The following EPG5 variants were observed in gnomAD, a reference collection of about 807,000 sequenced individuals.
EPG5 encodes the protein ectopic P granules protein 5 homolog.
A neutral mutation model predicts 302.7 loss-of-function variants in EPG5; 159 were observed. The ratio of observed to expected loss-of-function variants is 0.53; its 90% CI spans 0.46 to 0.60. The LOEUF is 0.60. EPG5 is among the 20% of genes least tolerant of loss of function. The pLI, the probability that EPG5 is intolerant of heterozygous loss-of-function variation, is 0.00. For missense variants in EPG5, 2,896 were observed against 3,092.4 expected (o/e 0.94, Z 1.51); for synonymous variants, 1,158 against 1,136.8 (o/e 1.02, Z -0.37).
chr18:45,900,897 GTAA>G, intron 26 of EPG5, 96 bp downstream of exon 26: 1 of 1,360,564 alleles, frequency 7.3e-7, no homozygotes, highest in Non-Finnish European at 1.0e-6. Context: ...TATCCTCATT[GTAA>G]AAATGCTGAC....
intron 16 of EPG5, among the ~76,000 whole-genome samples, chr18:45,918,892 T>G (rs2145731891): frequency 6.6e-6 from 1 of 152,332 alleles, no homozygotes; most frequent in East Asian, 1.9e-4. Context: ...GAGTGGCTTT[T>G]TCTCCACTTT....
intron 27 of EPG5, among the ~76,000 whole-genome samples, chr18:45,897,905 G>A (rs2049516129): frequency 6.6e-6 from 1 of 152,100 alleles, no homozygotes; most frequent in African/African-American, 2.4e-5. Flanking sequence ...ACAAACAAGA[G>A]GGAGTAAAAT....
rs770129197 is a variant in EPG5, at chr18:45,915,566, A to G, written c.3638T>C (p.Ile1213Thr). Residue 1213 changes from isoleucine (I) to threonine (T), a missense_variant, in exon 20 of 44, where the codon ATT becomes ACT. Ile to Thr is a moderately conservative substitution (Grantham distance 89). Around this residue, in one of 5 missense-constraint regions of EPG5, gnomAD observed 1,390 missense variants for 1,430.0 expected, o/e 0.97. Transcript: ENST00000282041. ...RSLLSSLVSW[I>T]VAGNITPSFV... ...GGAAGGAGTGATGTTGCCTGCCACA[A>G]TCCAGCTTACCAAAGATGAGAGCAG... The G allele has an allele frequency of 1.9e-6, 3 of 1,614,188 alleles. No homozygotes were observed. The highest frequency in any genetic ancestry group is 2.5e-6 in the Non-Finnish European group (3 of 1,180,024).
rs777422785 is a variant in EPG5, at chr18:45,903,983, A to G, written c.4464T>C (p.Asp1488=). ...CSLSVQLDFT[D]PLLAKERVLS... ...GCTCCCAGGACCCACCCAGCAAAGG[A>G]TCAGTGAAGTCCAGCTGCACGGACA... Residue 1488 remains aspartate (D), a synonymous_variant, in exon 25 of 44, where the codon GAT becomes GAC. Coordinates refer to ENST00000282041, the MANE Select transcript of EPG5 (RefSeq NM_020964.3). 1 of 1,608,822 alleles carries G rather than the reference A, an allele frequency of 6.2e-7. No homozygotes were observed. The highest frequency in any genetic ancestry group is 8.5e-7 in the Non-Finnish European group (1 of 1,179,026).
chr18:45,858,252 C>T (rs897691016), intron 41 of EPG5, among the ~76,000 whole-genome samples, 184 bp from the exon 42 acceptor site: 2 of 152,200 alleles, frequency 1.3e-5, no homozygotes, highest in South Asian at 2.1e-4. Flanking sequence ...ACCTACTACA[C>T]GCCACTGTGA....
At chr18:45,857,782 C>A in intron 42 of EPG5, 71 bp downstream of exon 42, 1 of 1,259,390 alleles carries the variant, frequency 7.9e-7, no homozygotes, top group South Asian at 1.2e-5. Flanking sequence ...TGAAGTATAT[C>A]ACAACCTGTA....
chr18:45,892,099 T>C (rs1264053439), intron 27 of EPG5, among the ~76,000 whole-genome samples: 2 of 152,124 alleles, frequency 1.3e-5, no homozygotes, highest in Non-Finnish European at 2.9e-5. Context: ...ACTGGAAAAA[T>C]GCAGACAGGA....
intron 12 of EPG5, among the ~76,000 whole-genome samples, chr18:45,929,257 A>G (rs2050347003): frequency 6.6e-6 from 1 of 152,214 alleles, no homozygotes; most frequent in Admixed American, 6.5e-5. Context: ...TTCAAAAAGT[A>G]TATCCCAAAG....
intron 24 of EPG5, among the ~76,000 whole-genome samples, chr18:45,905,270 T>C (rs892137862): frequency 6.6e-6 from 1 of 152,172 alleles, no homozygotes; most frequent in African/African-American, 2.4e-5. Flanking sequence ...ACAGGGACTA[T>C]GGGTTTGTGG....
intron 7 of EPG5, among the ~76,000 whole-genome samples, chr18:45,945,071 G>A (rs918300896): frequency 6.6e-6 from 1 of 152,136 alleles, no homozygotes; most frequent in Admixed American, 6.5e-5. Context: ...ATTAAAAAGG[G>A]AAGGAAGTAA....
chr18:45,870,536 T>C, intron 36 of EPG5, 31 bp downstream of exon 36: 2 of 1,602,552 alleles, frequency 1.2e-6, no homozygotes, highest in Non-Finnish European at 1.7e-6. Context: ...CAGATCTCTC[T>C]AGGCTGCGAT....
At chr18:45,957,601 G>C (rs115934369) in intron 1 of EPG5, among the ~76,000 whole-genome samples, 2 of 152,148 alleles carry the variant, frequency 1.3e-5, no homozygotes, top group African/African-American at 4.8e-5. Context: ...CATCGCTTAC[G>C]GTTAAGGAGG....
At chr18:45,838,031 G>A in the EPG5 span, 9,375 of 1,159,930 alleles carry the variant, frequency 8.1e-3, 50 homozygotes, top group Non-Finnish European at 9.8e-3. Context: ...CTCTACCCCA[G>A]GGATCTCACA....
At chr18:45,826,373 C>T in the EPG5 span, among the ~76,000 whole-genome samples, 1 of 152,164 alleles carries the variant, frequency 6.6e-6, no homozygotes, top group East Asian at 1.9e-4. Flanking sequence ...TTTCAAAAGG[C>T]ACAGGGACCA....
chr18:45,857,988 T>C lies in EPG5; in HGVS notation c.7307A>G (p.Asp2436Gly), dbSNP rs2048551891. The part of the protein sequence containing the change: ...QLSLIQTEQN[D>G]SVLTESVIRI... ...AATGACAGATTCTGTCAGGACGGAG[T>C]CATTCTGCTCTGTCTGAATGAGGGA... is the stretch of plus-strand genomic sequence containing the variant. Residue 2436 changes from aspartate (D) to glycine (G), a missense_variant, in exon 42 of 44, where the codon GAC (aspartate) becomes GGC (glycine). Physicochemically the swap from Asp to Gly is moderately conservative, Grantham distance 94. This residue lies in a region of EPG5 where 620 missense variants were observed against 704.2 expected (regional missense o/e 0.88). Coordinates refer to ENST00000282041, the MANE Select transcript of EPG5 (RefSeq NM_020964.3). 3 of 1,613,640 alleles carry C rather than the reference T, an allele frequency of 1.9e-6. No homozygotes were observed. The highest frequency in any genetic ancestry group is 3.3e-5 in the Admixed American group (2 of 60,002).
At chr18:45,811,927 C>T in the EPG5 span, among the ~76,000 whole-genome samples, 1 of 152,040 alleles carries the variant, frequency 6.6e-6, no homozygotes, top group South Asian at 2.1e-4. Flanking sequence ...GGCAATCAGG[C>T]AGGAGAAAGA....
At chr18:45,842,282 C>T in the EPG5 span, 1 of 1,390,382 alleles carries the variant, frequency 7.2e-7, no homozygotes, top group Non-Finnish European at 1.0e-6. Context: ...TTCTCGGGCA[C>T]CTTGGCAGCC....
chr18:45,813,718 G>A, the EPG5 span, among the ~76,000 whole-genome samples: 1 of 149,448 alleles, frequency 6.7e-6, no homozygotes, highest in Non-Finnish European at 1.5e-5. Context: ...TGAACAATGA[G>A]AACACCTGGA....
intron 24 of EPG5, among the ~76,000 whole-genome samples, 186 bp from the exon 25 acceptor site, chr18:45,904,303 CTTT>C (rs998090380): frequency 1.9e-4 from 29 of 152,146 alleles, no homozygotes; most frequent in African/African-American, 6.5e-4. Context: ...AGCTGTAAAA[CTTT>C]TTTGATTGTG....
Sources: allele counts gnomAD v4.1 joint callset (sites outside exome capture counted in the v4.1 genomes callset), GRCh38; gene constraint gnomAD v4.1.1; regional missense constraint gnomAD v4.1.1; transcripts MANE v1.5; gene names NCBI Gene and HGNC (gene_info 2026-07-23, HGNC 2026-07-21).